The following PTPRT variants were observed in gnomAD, a reference collection of about 807,000 sequenced individuals.
The protein encoded by PTPRT is receptor-type tyrosine-protein phosphatase T.
Under a neutral mutation model 176.8 loss-of-function variants are expected in PTPRT, and 56 were observed. That is an observed-to-expected ratio of 0.32 (90% CI 0.26 to 0.40). PTPRT has a LOEUF of 0.40. Among genes scored for constraint, PTPRT ranks in the 10% least tolerant of loss-of-function variants. The pLI is 1.00. For missense variants in PTPRT, 1,540 were observed against 1,908.2 expected (o/e 0.81, Z 3.60); for synonymous variants, 783 against 739.0 (o/e 1.06, Z -0.96).
chr20:42,550,029 A>G (rs1266584958), intron 7 of PTPRT, among the ~76,000 whole-genome samples: 1 of 152,172 alleles, frequency 6.6e-6, no homozygotes, highest in East Asian at 1.9e-4. Flanking sequence ...TTTTAGGAAG[A>G]CTGTGGGCTA....
At chr20:42,971,218 T>C (rs190426653) in intron 1 of PTPRT, 1 of 152,378 alleles carries the variant, frequency 6.6e-6, no homozygotes, top group East Asian at 1.9e-4. Context: ...TCAAAGTGCA[T>C]GTAGAAACTA....
intron 6 of PTPRT, among the ~76,000 whole-genome samples, chr20:42,721,360 T>C (rs189277232): frequency 3.5e-4 from 53 of 151,870 alleles, no homozygotes; most frequent in African/African-American, 1.1e-3. Flanking sequence ...GGAGGCAGGG[T>C]TGTGGAGGCC....
intron 15 of PTPRT, among the ~76,000 whole-genome samples, chr20:42,226,904 C>T (rs972867241): frequency 6.6e-6 from 1 of 152,068 alleles, no homozygotes; most frequent in South Asian, 2.1e-4. Flanking sequence ...ACAGCAAATG[C>T]CTATGAATGA....
Position 42,082,036 on chromosome 20 carries a change from G to A in PTPRT, c.4137-19C>T, listed in dbSNP as rs747018200. On this transcript the variant is annotated intron_variant, in intron 29 of 30. Coordinates refer to ENST00000373187, the MANE Select transcript of PTPRT (RefSeq NM_007050.6). ...CCCATTTCTAAACACAGAGCAAAGA[G>A]GTGAGCCATGTTCCTAGGTCCCTTC... is the stretch of plus-strand genomic sequence containing the variant. The A allele has an allele frequency of 1.5e-5, 24 of 1,613,872 alleles. No individual in the cohort carries two copies. Among genetic ancestry groups the A allele is most frequent in the Middle Eastern group, 3.4e-4 (2 of 5,944 alleles).
chr20:42,277,924 C>T (rs1455540955), intron 13 of PTPRT, among the ~76,000 whole-genome samples: 1 of 150,370 alleles, frequency 6.7e-6, no homozygotes, highest in African/African-American at 2.5e-5. Flanking sequence ...ATCCATCCAT[C>T]CATCCATTTG....
At position 42,756,445 on chromosome 20, in the gene PTPRT, A is replaced by G. The variant is rs201095580; in HGVS notation, c.859+17T>C. The G allele has an allele frequency of 1.3e-4, 190 of 1,515,888 alleles. No homozygotes were observed. The highest frequency in any genetic ancestry group is 5.5e-4 in the Middle Eastern group (3 of 5,486). 93.9% of individuals were successfully genotyped at this position (1,515,888 alleles called of 1,614,324 possible). A position where few individuals can be genotyped will look rare whatever the true frequency, so the allele number is the denominator to read the frequency against. On this transcript the variant is annotated intron_variant, in intron 6 of 30. Transcript: ENST00000373187. ...CAACCTTCCATGGCAGTAGAGGCGCAGGCTGGAGGCACTCACCTTTCACGA... is the reference window on the plus strand; with the variant it reads ...CAACCTTCCATGGCAGTAGAGGCGCGGGCTGGAGGCACTCACCTTTCACGA...
intron 5 of PTPRT, among the ~76,000 whole-genome samples, chr20:42,766,761 G>A (rs940353120): frequency 1.3e-5 from 2 of 152,192 alleles, no homozygotes; most frequent in Non-Finnish European, 2.9e-5. Flanking sequence ...TACCTGCTAT[G>A]CTGGAAACAA....
chr20:42,645,142 C>G (rs1386946256), intron 7 of PTPRT, among the ~76,000 whole-genome samples: 1 of 152,150 alleles, frequency 6.6e-6, no homozygotes, highest in Non-Finnish European at 1.5e-5. Context: ...TGGAGAACTA[C>G]TAGTAAGTCA....
chr20:42,176,940 A>C (rs1035751003), intron 16 of PTPRT, among the ~76,000 whole-genome samples: 7 of 152,192 alleles, frequency 4.6e-5, no homozygotes, highest in African/African-American at 1.7e-4. Flanking sequence ...ATTTAGGCTG[A>C]GTTTGTGGAT....
At chr20:43,109,511 AC>A (rs1220871873) in intron 1 of PTPRT, among the ~76,000 whole-genome samples, 1 of 152,148 alleles carries the variant, frequency 6.6e-6, no homozygotes, top group Admixed American at 6.6e-5. Flanking sequence ...CACTCAGTAT[AC>A]ATTTTTTTCA....
chr20:42,070,338 C>A (rs373886467), downstream of PTPRT, among the ~76,000 whole-genome samples: 1 of 151,294 alleles, frequency 6.6e-6, no homozygotes. Context: ...GTCTGACATG[C>A]GCTCACACTC....
intron 17 of PTPRT, among the ~76,000 whole-genome samples, chr20:42,146,910 C>T (rs1388452625): frequency 1.3e-5 from 2 of 152,190 alleles, no homozygotes; most frequent in African/African-American, 4.8e-5. Context: ...GTTCCCTTTA[C>T]CTGAAATTCC....
At chr20:42,925,631 A>G (rs1979434398) in intron 1 of PTPRT, among the ~76,000 whole-genome samples, 1 of 152,160 alleles carries the variant, frequency 6.6e-6, no homozygotes, top group African/African-American at 2.4e-5. Context: ...GGCTTGAGGC[A>G]GTGTTTTCAA....
At chr20:42,510,240 G>T (rs1386557246) in intron 7 of PTPRT, among the ~76,000 whole-genome samples, 1 of 152,026 alleles carries the variant, frequency 6.6e-6, no homozygotes, top group African/African-American at 2.4e-5. Context: ...CCTTGAAAAT[G>T]CCCCAGGAAG....
chr20:42,489,004 A>C (rs2071511882), intron 7 of PTPRT, among the ~76,000 whole-genome samples: 1 of 98,482 alleles, frequency 1.0e-5, no homozygotes. Flanking sequence ...AAAATCAACC[A>C]AGTTTGTGTG....
At chr20:43,159,252 C>A (rs2014616418) in intron 1 of PTPRT, among the ~76,000 whole-genome samples, 1 of 152,190 alleles carries the variant, frequency 6.6e-6, no homozygotes, top group African/African-American at 2.4e-5. Context: ...CTCCCACCAA[C>A]CATGCCATGA....
chr20:42,521,071 CAT>C (rs779289714), intron 7 of PTPRT, among the ~76,000 whole-genome samples: 158 of 152,052 alleles, frequency 1.0e-3, no homozygotes, highest in South Asian at 2.9e-3. Flanking sequence ...TACATACATA[CAT>C]ATCTCTCTCT....
At chr20:42,626,172 C>T (rs1361541256) in intron 7 of PTPRT, among the ~76,000 whole-genome samples, 1 of 151,966 alleles carries the variant, frequency 6.6e-6, no homozygotes, top group Non-Finnish European at 1.5e-5. Context: ...TATTTTGAGG[C>T]TCATCTAGTT....
chr20:42,896,617 A>G (rs1465393138), intron 1 of PTPRT, among the ~76,000 whole-genome samples: 1 of 143,004 alleles, frequency 7.0e-6, no homozygotes, highest in Non-Finnish European at 1.5e-5. Flanking sequence ...TCTAAGCAAC[A>G]TGAGCACAAC....
Sources: allele counts gnomAD v4.1 joint callset (sites outside exome capture counted in the v4.1 genomes callset), GRCh38; gene constraint gnomAD v4.1.1; transcripts MANE v1.5; gene names NCBI Gene and HGNC (gene_info 2026-07-23, HGNC 2026-07-21).